GRIN2B: variants seen among roughly 807,000 people sequenced by gnomAD.
The protein encoded by GRIN2B is glutamate ionotropic receptor NMDA type subunit 2B.
A neutral mutation model predicts 114.5 loss-of-function variants in GRIN2B; 5 were observed. That is an observed-to-expected ratio of 0.04 (90% CI 0.02 to 0.09). GRIN2B has a LOEUF of 0.09. Among genes scored for constraint, GRIN2B ranks in the 10% least tolerant of loss-of-function variants. The probability of loss-of-function intolerance (pLI) is 1.00; values close to 1 mark genes in which losing one functional copy is unlikely to be tolerated. For synonymous variants in GRIN2B, 787 were observed against 745.1 expected (o/e 1.06, Z -0.92); for missense variants, 1,108 against 1,943.5 (o/e 0.57, Z 8.08).
intron 5 of GRIN2B, among the ~76,000 whole-genome samples, chr12:13,646,525 G>T (rs1162739491): frequency 2.0e-5 from 3 of 152,138 alleles, no homozygotes; most frequent in Non-Finnish European, 4.4e-5. Context: ...ATGGAAAAGT[G>T]ATACAATGTC....
In GRIN2B at chr12:13,553,000, C is replaced by T. The variant is rs1948433121; in HGVS notation, c.*9783G>A. 1 of 152,096 alleles carries T rather than the reference C, an allele frequency of 6.6e-6. No homozygotes were observed. The highest frequency in any genetic ancestry group is 1.5e-5 in the Non-Finnish European group (1 of 68,012). The allele number at this position is 152,096 out of a possible 1,614,324, so 9.4% of individuals were successfully genotyped here. A position where few individuals can be genotyped will look rare whatever the true frequency, so the allele number is the denominator to read the frequency against. ...GCACACAGTGGCAGAAGATGCCTCC[C>T]AAAGGGGAATAATTCATAGCCAATG... is the stretch of plus-strand genomic sequence containing the variant. On this transcript the variant is annotated 3_prime_UTR_variant, in exon 14 of 14. Transcript: ENST00000609686.
At chr12:13,882,405 A>G (rs1001535904) in intron 2 of GRIN2B, among the ~76,000 whole-genome samples, 2 of 152,204 alleles carry the variant, frequency 1.3e-5, no homozygotes, top group African/African-American at 4.8e-5. Context: ...AGTAAGCCAT[A>G]ACAAACAAAT....
chr12:13,688,363 C>A (rs1156790557), intron 4 of GRIN2B, among the ~76,000 whole-genome samples: 1 of 152,102 alleles, frequency 6.6e-6, no homozygotes, highest in Non-Finnish European at 1.5e-5. Flanking sequence ...CATAAAGAGG[C>A]CTACAGGAAA....
intron 2 of GRIN2B, among the ~76,000 whole-genome samples, chr12:13,938,004 C>A (rs935323832): frequency 1.3e-5 from 2 of 151,950 alleles, no homozygotes; most frequent in Non-Finnish European, 2.9e-5. Context: ...TCTAAATAGA[C>A]TAACATAATT....
intron 4 of GRIN2B, among the ~76,000 whole-genome samples, chr12:13,719,075 T>C (rs773657551): frequency 2.0e-4 from 31 of 152,012 alleles, no homozygotes; most frequent in Admixed American, 2.6e-4. Flanking sequence ...CAGCTCCTCA[T>C]ACACTGAAAT....
rs1862919649 is a variant in GRIN2B, at chr12:13,723,629, G to A, written c.1010+29688C>T. Among the ~76,000 whole-genome samples the A allele has an allele frequency of 2.6e-5, 4 of 152,098 alleles. No homozygotes were observed. In the South Asian group the frequency reaches 6.2e-4, roughly 24 times the overall value. On this transcript the variant is annotated intron_variant, in intron 4 of 13. Transcript: ENST00000609686. ...TTCAGTGAAGACCCCACTGCTACAG[G>A]TGAGTGAAGTAGTATTAATTCCTAG...
chr12:13,769,663 C>T lies in GRIN2B; in HGVS notation c.412-15748G>A, dbSNP rs540372831. 5.9e-5 allele frequency among the ~76,000 whole-genome samples: 9 copies of T among 152,352 alleles called. No individual in the cohort carries two copies. In the South Asian group the frequency reaches 1.9e-3, roughly 32 times the overall value. ...CTTGGAGATTAAATACTGTTTGCAT[C>T]AGCAAGCTGAGTAATAGATGCTAAC... On this transcript the variant is annotated intron_variant, in intron 3 of 13. Coordinates refer to ENST00000609686, the MANE Select transcript of GRIN2B (RefSeq NM_000834.5).
Position 13,550,787 on chromosome 12 carries a change from T to G in GRIN2B, c.*11996A>C, listed in dbSNP as rs1379598592. On this transcript the variant is annotated 3_prime_UTR_variant, in exon 14 of 14. Coordinates refer to ENST00000609686, the MANE Select transcript of GRIN2B (RefSeq NM_000834.5). The stretch of plus-strand genomic sequence containing the variant: ...TGATTGGGCTCGAGTTTGGAAACAT[T>G]AAGTACCATGCACGTGTTCGAGCTC... 1 of 152,168 alleles carries G rather than the reference T, an allele frequency of 6.6e-6. No homozygotes were observed. The highest frequency in any genetic ancestry group is 1.5e-5 in the Non-Finnish European group (1 of 68,030). The allele number at this position is 152,168 out of a possible 1,614,324, so 9.4% of individuals were successfully genotyped here. A position where few individuals can be genotyped will look rare whatever the true frequency, so the allele number is the denominator to read the frequency against.
intron 3 of GRIN2B, among the ~76,000 whole-genome samples, chr12:13,769,169 A>T (rs117102584): frequency 0.023 from 3,534 of 152,226 alleles, 65 homozygotes; most frequent in Middle Eastern, 0.048. Context: ...TGCCTCCATG[A>T]CGTTTACCTT....
At chr12:13,967,145 T>G (rs1006066825) in intron 2 of GRIN2B, among the ~76,000 whole-genome samples, 3 of 152,260 alleles carry the variant, frequency 2.0e-5, no homozygotes, top group Non-Finnish European at 2.9e-5. Flanking sequence ...TGTGCATTTC[T>G]GGAAGACTGT....
chr12:13,842,790 G>A (rs1865399541), intron 3 of GRIN2B, among the ~76,000 whole-genome samples: 1 of 151,994 alleles, frequency 6.6e-6, no homozygotes, highest in Admixed American at 6.6e-5. Flanking sequence ...AATTAATTAG[G>A]AGAATTATAA....
rs1461672749 is a variant in GRIN2B at position 13,562,837 on chromosome 12, G to A, written c.4401C>T (p.Gly1467=). The A allele has an allele frequency of 5.6e-6, 9 of 1,614,114 alleles. No individual in the cohort carries two copies. Among genetic ancestry groups the A allele is most frequent in the Non-Finnish European group, 7.6e-6 (9 of 1,179,950 alleles). ...PNNKNPRAFN[G]SSNGHVYEKL... is the part of the protein sequence containing the mutation. ...TCTCATAAACATGCCCATTGCTGGA[G>A]CCATTGAAAGCCCTGGGGTTTTTGT... The change falls in exon 14 of 14, where the codon GGC becomes GGT. Residue 1467 remains glycine (G), a synonymous_variant. Transcript: ENST00000609686.
intron 2 of GRIN2B, among the ~76,000 whole-genome samples, chr12:13,936,980 T>C (rs1390994158): frequency 6.6e-6 from 1 of 151,680 alleles, no homozygotes; most frequent in African/African-American, 2.4e-5. Context: ...AGATTAATAA[T>C]ATCATTGATC....
intron 3 of GRIN2B, among the ~76,000 whole-genome samples, chr12:13,778,499 C>T (rs1467395518): frequency 6.6e-6 from 1 of 152,188 alleles, no homozygotes; most frequent in African/African-American, 2.4e-5. Context: ...TCCTATTCTG[C>T]CAGGTATTTG....
intron 3 of GRIN2B, among the ~76,000 whole-genome samples, chr12:13,777,756 G>T (rs1208885937): frequency 6.6e-6 from 1 of 152,126 alleles, no homozygotes; most frequent in Non-Finnish European, 1.5e-5. Flanking sequence ...ACATATTAAA[G>T]GTGCTAAGTA....
chr12:13,548,101 C>G lies in GRIN2B; in HGVS notation c.*14682G>C, dbSNP rs1001009160. 4.0e-5 allele frequency: 6 copies of G among 150,498 alleles called. No homozygotes were observed. Among genetic ancestry groups the G allele is most frequent in the Non-Finnish European group, 7.4e-5 (5 of 67,720 alleles). 9.3% of individuals were successfully genotyped at this position (150,498 alleles called of 1,614,324 possible). On this transcript the variant is annotated 3_prime_UTR_variant, in exon 14 of 14. Coordinates refer to ENST00000609686, the MANE Select transcript of GRIN2B (RefSeq NM_000834.5). ...TAAATCAAAACCATCAGAGGAATTACATTCCACCCCTAGGCTCAGTGGGAA... is the reference window on the plus strand; with the variant it reads ...TAAATCAAAACCATCAGAGGAATTAGATTCCACCCCTAGGCTCAGTGGGAA...
intron 4 of GRIN2B, among the ~76,000 whole-genome samples, chr12:13,679,480 T>C: frequency 6.6e-6 from 1 of 152,196 alleles, no homozygotes; most frequent in East Asian, 1.9e-4. Flanking sequence ...GGGGTGCTCC[T>C]CCTCTTCCAG....
rs1948419606 is a variant in GRIN2B at position 13,552,005 on chromosome 12, T to C, written c.*10778A>G. ...CAATCCCCTCTGGAAACAGGTAATA[T>C]ACTTATCCTAGAGGAGCAGGCAGCT... On this transcript the variant is annotated 3_prime_UTR_variant, in exon 14 of 14. Transcript: ENST00000609686. 1 of 152,166 alleles carries C rather than the reference T, an allele frequency of 6.6e-6. No homozygotes were observed. The highest frequency in any genetic ancestry group is 2.1e-4 in the South Asian group (1 of 4,830). The allele number at this position is 152,166 out of a possible 1,614,324, so 9.4% of individuals were successfully genotyped here.
intron 5 of GRIN2B, among the ~76,000 whole-genome samples, chr12:13,668,682 C>A (rs1949998185): frequency 6.6e-6 from 1 of 151,934 alleles, no homozygotes. Flanking sequence ...TTAATGGAGT[C>A]TTTACTAATG....
Sources: gnomAD v4.1 joint callset for allele counts (sites outside exome capture counted in the v4.1 genomes callset) on GRCh38, gnomAD v4.1.1 for gene constraint, MANE v1.5 for transcripts, NCBI Gene and HGNC (gene_info 2026-07-23, HGNC 2026-07-21) for gene names.